The following CALR3 variants were observed in gnomAD, a reference collection of about 807,000 sequenced individuals.
CALR3 encodes the protein calreticulin-3.
Under a neutral mutation model 48.7 loss-of-function variants are expected in CALR3, and 39 were observed. That is an observed-to-expected ratio of 0.80 (90% CI 0.62 to 1.05). CALR3 has a LOEUF of 1.05. CALR3 is among the 50% of genes least tolerant of loss of function. The probability of loss-of-function intolerance (pLI) is 0.00; values close to 1 mark genes in which losing one functional copy is unlikely to be tolerated. For synonymous variants in CALR3, 185 were observed against 172.7 expected (o/e 1.07, Z -0.56); for missense variants, 449 against 474.7 (o/e 0.95, Z 0.50).
At chr19:16,489,861 CAAACA>C in intron 3 of CALR3, among the ~76,000 whole-genome samples, 1 of 150,804 alleles carries the variant, frequency 6.6e-6, no homozygotes, top group South Asian at 2.1e-4. Flanking sequence ...CAAAAACAAA[CAAACA>C]AAAAAACTAC....
intron 2 of CALR3, among the ~76,000 whole-genome samples, chr19:16,491,213 C>A (rs2093397462): frequency 6.6e-6 from 1 of 151,954 alleles, no homozygotes; most frequent in Non-Finnish European, 1.5e-5. Context: ...AGCTCCACCT[C>A]CTGGGTTCAC....
rs749029173 is a variant in CALR3, at chr19:16,479,321, C to T, written c.1012-47G>A. On this transcript the variant is annotated intron_variant, in intron 8 of 8. Transcript: ENST00000269881. The stretch of plus-strand genomic sequence containing the variant: ...ATAAGCCCCACCGGGTGCGATGGCT[C>T]GTGCCTGTAATCCCAGCACTTTGGG... The T allele has an allele frequency of 1.4e-5, 22 of 1,610,050 alleles. No homozygotes were observed. In the South Asian group the frequency reaches 1.6e-4, roughly 12 times the overall value.
At chr19:16,482,306 T>A in intron 7 of CALR3, 144 bp downstream of exon 7, 1 of 1,166,762 alleles carries the variant, frequency 8.6e-7, no homozygotes, top group Non-Finnish European at 1.2e-6. Flanking sequence ...CGCTTGGGCC[T>A]AGTTTGAGGC....
Position 16,483,930 on chromosome 19 carries a change from C to T in CALR3, c.678G>A (p.Gln226=), listed in dbSNP as rs776696174. ...DWEQTKDNKA[Q]DWEKHFLDAS... ...AGAGTTGCCCAGGAAAAATTCACAC[C>T]TGGGCTTTGTTGTCTTTAGTCTGTT... The change falls in exon 5 of 9, where the codon CAG becomes CAA. Residue 226 remains glutamine (Q), a splice_region_variant and synonymous_variant. Transcript: ENST00000269881. 1.2e-6 allele frequency: 2 copies of T among 1,613,826 alleles called. No individual in the cohort carries two copies. The highest frequency in any genetic ancestry group is 1.7e-5 in the Admixed American group (1 of 59,958).
chr19:16,491,877 C>T (rs2093398717), intron 2 of CALR3, among the ~76,000 whole-genome samples: 1 of 151,618 alleles, frequency 6.6e-6, no homozygotes, highest in African/African-American at 2.4e-5. Flanking sequence ...GAGGCTCGCT[C>T]TATTGCCCAG....
At chr19:16,487,785 C>T (rs1415448945) in intron 3 of CALR3, among the ~76,000 whole-genome samples, 2 of 151,202 alleles carry the variant, frequency 1.3e-5, no homozygotes, top group African/African-American at 4.9e-5. Flanking sequence ...TTATTACAGG[C>T]ATGCGCCACC....
At chr19:16,485,397 G>A (rs960743412) in intron 3 of CALR3, 140 bp from the exon 4 acceptor site, 10 of 636,828 alleles carry the variant, frequency 1.6e-5, no homozygotes, top group Non-Finnish European at 2.8e-5. Context: ...TTGGCTCACG[G>A]AAACTTCTGC....
At chr19:16,490,660 A>C in intron 2 of CALR3, 90 bp from the exon 3 acceptor site, 1 of 1,131,302 alleles carries the variant, frequency 8.8e-7, no homozygotes. Context: ...CTTACTCCCA[A>C]ACATAAATGT....
chr19:16,496,167 T>C lies in CALR3; in HGVS notation c.-38A>G. The C allele has an allele frequency of 6.6e-7, 1 of 1,526,224 alleles. No homozygotes were observed. Among genetic ancestry groups the C allele is most frequent in the Non-Finnish European group, 8.9e-7 (1 of 1,121,562 alleles). 94.5% of individuals were successfully genotyped at this position (1,526,224 alleles called of 1,614,324 possible). On this transcript the variant is annotated 5_prime_UTR_variant, in exon 1 of 9. Coordinates refer to ENST00000269881, the MANE Select transcript of CALR3 (RefSeq NM_145046.5). ...TGCGCTTCCGGTCGCCGCCACCCCT[T>C]AGCTCCCAGCTCTCTCTGCGGCTCT...
chr19:16,489,206 C>T (rs570124128), intron 3 of CALR3, among the ~76,000 whole-genome samples: 2 of 152,348 alleles, frequency 1.3e-5, no homozygotes, highest in African/African-American at 4.8e-5. Flanking sequence ...AGGTTGAGGC[C>T]AGGCGTGGTG....
rs564237926 is a variant in CALR3 at position 16,486,145 on chromosome 19, G to A, written c.398-888C>T. On this transcript the variant is annotated intron_variant, in intron 3 of 8. Transcript: ENST00000269881. ...AGCCTGGCCAACATGGTAAAACCCC[G>A]TGTGTACTAAAAATACAAAAATTAG... Among the ~76,000 whole-genome samples the A allele has an allele frequency of 1.5e-4, 22 of 151,208 alleles. No homozygotes were observed. The South Asian group carries it at 2.9e-3, about 20-fold the overall frequency.
intron 3 of CALR3, among the ~76,000 whole-genome samples, chr19:16,486,569 G>A (rs1274641670): frequency 4.1e-5 from 6 of 147,088 alleles, no homozygotes; most frequent in African/African-American, 1.0e-4. Context: ...GCAATGAGCC[G>A]AGATTGCACC....
At position 16,485,153 on chromosome 19, in the gene CALR3, G is replaced by A; in HGVS notation, c.492+10C>T. On this transcript the variant is annotated intron_variant, in intron 4 of 8. Transcript: ENST00000269881. Reference sequence around the variant, plus strand: ...TTAACACTCATTTATTTGAATACAAGAGCAGTTACCTTACACCTGATCAGT... The same window carrying A: ...TTAACACTCATTTATTTGAATACAAAAGCAGTTACCTTACACCTGATCAGT... 1 of 1,539,234 alleles carries A rather than the reference G, an allele frequency of 6.5e-7. No individual in the cohort carries two copies. The highest frequency in any genetic ancestry group is 1.4e-5 in the African/African-American group (1 of 73,498).
Position 16,485,178 on chromosome 19 carries a change from T to C in CALR3, c.477A>G (p.Lys159=). 6.2e-7 allele frequency: 1 copy of C among 1,603,064 alleles called. No homozygotes were observed. The highest frequency in any genetic ancestry group is 1.7e-5 in the Admixed American group (1 of 59,954). ...HFKNKYHENK[K]LIRCKVDGFT... ...GAGCAGTTACCTTACACCTGATCAG[T>C]TTCTTGTTTTCGTGATACTTATTCT... The change falls in exon 4 of 9, where the codon AAA becomes AAG. Residue 159 remains lysine, a synonymous_variant. Coordinates refer to ENST00000269881, the MANE Select transcript of CALR3 (RefSeq NM_145046.5).
intron 2 of CALR3, 94 bp downstream of exon 2, chr19:16,495,657 G>A: frequency 1.1e-6 from 1 of 922,758 alleles, no homozygotes; most frequent in South Asian, 1.3e-5. Flanking sequence ...CTGTAAAACG[G>A]GAATAAAAGC....
chr19:16,490,627 G>GC, intron 2 of CALR3, 57 bp from the exon 3 acceptor site: 3 of 1,481,566 alleles, frequency 2.0e-6, no homozygotes, highest in Non-Finnish European at 2.8e-6. Flanking sequence ...AAGTAACGCA[G>GC]GAAGTTAAAT....
chr19:16,485,331 CT>C (rs769813201), intron 3 of CALR3, 74 bp from the exon 4 acceptor site: 76,603 of 661,140 alleles, frequency 0.12, 5 homozygotes, highest in South Asian at 0.15. Context: ...CACAACCATT[CT>C]TTTTTTTTTT....
At position 16,484,131 on chromosome 19, in the gene CALR3, G is replaced by A. The variant is rs749422682; in HGVS notation, c.493-16C>T. 1 of 1,610,360 alleles carries A rather than the reference G, an allele frequency of 6.2e-7. No homozygotes were observed. The highest frequency in any genetic ancestry group is 8.5e-7 in the Non-Finnish European group (1 of 1,177,334). On this transcript the variant is annotated splice_polypyrimidine_tract_variant and intron_variant, in intron 4 of 8. Transcript: ENST00000269881. ...AGCCATCAACCTGCATATTTTAGGG[G>A]GAAAAGCGTAACAATTAAATCCTCA...
rs2093407097 is a variant in CALR3, at chr19:16,495,808, A to G, written c.136T>C (p.Phe46Leu). The G allele has an allele frequency of 6.2e-7, 1 of 1,614,114 alleles. No individual in the cohort carries two copies. Among genetic ancestry groups the G allele is most frequent in the Non-Finnish European group, 8.5e-7 (1 of 1,180,014 alleles). Reference sequence around the variant, plus strand: ...CCCGACGAAAGTCTAAAATGCCCAAATCGGGAGTCATTGGTGGACTGCAAC... The same window carrying G: ...CCCGACGAAAGTCTAAAATGCCCAAGTCGGGAGTCATTGGTGGACTGCAAC... The part of the protein sequence containing the change: ...RWLQSTNDSR[F>L]GHFRLSSGKF... Residue 46 changes from phenylalanine to leucine, a missense_variant, in exon 2 of 9, where the codon TTT becomes CTT. Physicochemically the swap from Phe to Leu is conservative, Grantham distance 22 (BLOSUM62 0). Transcript: ENST00000269881.
Sources: gnomAD v4.1 joint callset for allele counts (sites outside exome capture counted in the v4.1 genomes callset) on GRCh38, gnomAD v4.1.1 for gene constraint, MANE v1.5 for transcripts, NCBI Gene and HGNC (gene_info 2026-07-23, HGNC 2026-07-21) for gene names.